ARAP3: variants seen among roughly 807,000 people sequenced by gnomAD.
ARAP3 encodes the protein ArfGAP with RhoGAP domain, ankyrin repeat and PH domain 3.
A neutral mutation model predicts 169.2 loss-of-function variants in ARAP3; 82 were observed. That is an observed-to-expected ratio of 0.48 (90% CI 0.41 to 0.58). The LOEUF is 0.58. Among genes scored for constraint, ARAP3 ranks in the 20% least tolerant of loss-of-function variants. The pLI, the probability that ARAP3 is intolerant of heterozygous loss-of-function variation, is 0.00. For synonymous variants in ARAP3, 791 were observed against 800.3 expected (o/e 0.99, Z 0.20); for missense variants, 1,764 against 2,018.0 (o/e 0.87, Z 2.41).
intron 23 of ARAP3, 132 bp from the exon 24 acceptor site, chr5:141,658,785 G>T: frequency 1.3e-6 from 1 of 775,280 alleles, no homozygotes; most frequent in Non-Finnish European, 2.0e-6. Context: ...ATGTCACTCA[G>T]GCTCTTAAAA....
rs143349540 is a variant in ARAP3, at chr5:141,658,636, G to A, written c.3354C>T (p.Asp1118=). The part of the protein sequence containing the change: ...WKDVQLSQAG[D]LIMEVYIEQQ... ...GCTCTATATAAACTTCCATGATGAG[G>A]TCTCCAGCCTGAGACAGCTGAGGGG... Residue 1118 remains aspartate, a synonymous_variant, in exon 24 of 33, where the codon GAC becomes GAT. Transcript: ENST00000239440. 7.5e-6 allele frequency: 12 copies of A among 1,598,546 alleles called. No homozygotes were observed. Among genetic ancestry groups the A allele is most frequent in the African/African-American group, 5.4e-5 (4 of 73,804 alleles).
chr5:141,670,378 C>G, intron 14 of ARAP3, 134 bp downstream of exon 14: 1 of 1,001,568 alleles, frequency 1.0e-6, no homozygotes, highest in East Asian at 2.4e-5. Context: ...CTCTCTCACC[C>G]CCAGGACCCC....
In ARAP3 at chr5:141,662,030, A is replaced by C; in HGVS notation, c.3013+13T>G. On this transcript the variant is annotated intron_variant, in intron 20 of 32. Coordinates refer to ENST00000239440, the MANE Select transcript of ARAP3 (RefSeq NM_022481.6). ...CCTGGTTGGGCCTTGGCTCTCAGGG[A>C]TCTTAGGAATACCAGCAGCCTCCCT... The C allele has an allele frequency of 6.2e-7, 1 of 1,613,948 alleles. No homozygotes were observed. The highest frequency in any genetic ancestry group is 1.1e-5 in the South Asian group (1 of 91,058).
Position 141,679,970 on chromosome 5 carries a change from G to A in ARAP3, c.517C>T (p.Gln173Ter), listed in dbSNP as rs1422187551. The A allele has an allele frequency of 1.2e-6, 2 of 1,614,012 alleles. No individual in the cohort carries two copies. The highest frequency in any genetic ancestry group is 8.5e-7 in the Non-Finnish European group (1 of 1,180,030). Residue 173 changes from glutamine to a stop codon, truncating the protein, a stop_gained, in exon 2 of 33, where the codon CAG becomes TAG. Transcript: ENST00000239440. LOFTEE classifies it high-confidence loss of function. ...LDSRGRAQAA[Q>*]DKAPDSSQIS... ...GGAGCCAACTCCACTCACTTGTCCT[G>A]AGCTGCCTGTGCCCTGCCTCTTGAG...
chr5:141,661,779 C>T lies in ARAP3; in HGVS notation c.3024G>A (p.Gln1008=), dbSNP rs761214047. ...TATATTTCTCCAGGCGCTGATTCTT[C>T]TGGGGCAGCTCTGGGGATGGAATGG... ...PRWREAAELP[Q]KNQRLEKYKD... The change falls in exon 21 of 33, where the codon CAG becomes CAA. Residue 1008 remains glutamine (Q), a synonymous_variant. Transcript: ENST00000239440. The T allele has an allele frequency of 1.9e-6, 3 of 1,614,190 alleles. No homozygotes were observed. The South Asian group carries it at 3.3e-5, about 18-fold the overall frequency.
intron 1 of ARAP3, among the ~76,000 whole-genome samples, chr5:141,681,503 GTC>G (rs2099912967): frequency 6.6e-6 from 1 of 151,686 alleles, no homozygotes; most frequent in Non-Finnish European, 1.5e-5. Context: ...TCATAGACCT[GTC>G]TCTAATTCTG....
chr5:141,654,254 G>A lies in ARAP3; in HGVS notation c.4331C>T (p.Ser1444Leu). The change falls in exon 33 of 33, where the codon TCA becomes TTA. Residue 1444 changes from serine (S) to leucine (L), a missense_variant. This residue lies in a region of ARAP3 where 1,112 missense variants were observed against 1,285.7 expected (regional missense o/e 0.86). Transcript: ENST00000239440. The stretch of plus-strand genomic sequence containing the variant: ...CTTGGAGAGAAAGGGTTGATCCAAT[G>A]ACTTCTGGCTGGTGAGGGGGTTCTC... ...KPENPLTSQK[S>L]LDQPFLSKSS... 3 of 1,614,196 alleles carry A rather than the reference G, an allele frequency of 1.9e-6. No individual in the cohort carries two copies. The highest frequency in any genetic ancestry group is 1.1e-5 in the South Asian group (1 of 91,086).
chr5:141,669,658 G>C, intron 16 of ARAP3, 51 bp downstream of exon 16: 1 of 1,549,042 alleles, frequency 6.5e-7, no homozygotes, highest in Non-Finnish European at 8.9e-7. Context: ...ATGGGAGCAC[G>C]TGGGGACAAG....
Position 141,670,632 on chromosome 5 carries a change from C to CAAGGGG in ARAP3, c.1991-10_1991-5dup. 1.9e-6 allele frequency: 3 copies of CAAGGGG among 1,612,950 alleles called. No homozygotes were observed. The highest frequency in any genetic ancestry group is 2.2e-5 in the South Asian group (2 of 91,062). On this transcript the variant is annotated splice_polypyrimidine_tract_variant and splice_region_variant and intron_variant, in intron 13 of 32. Coordinates refer to ENST00000239440, the MANE Select transcript of ARAP3 (RefSeq NM_022481.6). ...TTGTACACACCAGGGGAGGGGTCTG[C>CAAGGGG]AAGGGGAAGGGGAAGTAGTCAGGTC...
In ARAP3 at chr5:141,659,623, GAGA is replaced by G. The variant is rs529240486; in HGVS notation, c.3268-150_3268-148del. 1,093 of 1,332,146 alleles carry G rather than the reference GAGA, an allele frequency of 8.2e-4. 9 individuals carry two copies. The African/African-American group carries it at 0.015, about 18-fold the overall frequency. 82.5% of individuals were successfully genotyped at this position (1,332,146 alleles called of 1,614,324 possible). On this transcript the variant is annotated intron_variant, in intron 22 of 32. Transcript: ENST00000239440. Reference sequence around the variant, plus strand: ...GAGGATGTTGGAAGTGAAGTTGTGGGAGAAGAAGGGCCAGGGCTCTGGGAGGTA... The same window carrying G: ...GAGGATGTTGGAAGTGAAGTTGTGGGAGAAGGGCCAGGGCTCTGGGAGGTA...
rs1213882800 is a variant in ARAP3, at chr5:141,662,137, C to A, written c.2919G>T (p.Val973=). The A allele has an allele frequency of 6.2e-7, 1 of 1,614,166 alleles. No homozygotes were observed. Among genetic ancestry groups the A allele is most frequent in the Admixed American group, 1.7e-5 (1 of 60,036 alleles). The change falls in exon 20 of 33, where the codon GTG becomes GTT. Residue 973 remains valine (V), a synonymous_variant. Coordinates refer to ENST00000239440, the MANE Select transcript of ARAP3 (RefSeq NM_022481.6). ...GTTTGAGTGTGTCAGTGACATCCTC[C>A]ACAAAGTGCTCCCCTGGTCGGAGCT... ...SVKLRPGEHF[V]EDVTDTLKRF...
chr5:141,673,177 C>A (rs748788134), intron 6 of ARAP3, 44 bp from the exon 7 acceptor site: 49 of 1,612,148 alleles, frequency 3.0e-5, no homozygotes, highest in Non-Finnish European at 3.7e-5. Flanking sequence ...AGGAACTGAG[C>A]CATGTGTGCC....
intron 16 of ARAP3, among the ~76,000 whole-genome samples, chr5:141,667,851 G>A (rs1475800957): frequency 1.3e-5 from 2 of 151,066 alleles, no homozygotes; most frequent in African/African-American, 4.8e-5. Context: ...AGACCAGCCT[G>A]GCCAACATGG....
intron 30 of ARAP3, 49 bp from the exon 31 acceptor site, chr5:141,655,807 G>C: frequency 6.2e-7 from 1 of 1,614,068 alleles, no homozygotes; most frequent in South Asian, 1.1e-5. Context: ...AAGGCACTGA[G>C]GAGGACAGCT....
chr5:141,655,259 C>CACACACACACACACACA lies in ARAP3; in HGVS notation c.4149+102_4149+103insTGTGTGTGTGTGTGTGT, dbSNP rs376664795. 3.4e-6 allele frequency: 4 copies of CACACACACACACACACA among 1,191,158 alleles called. No individual in the cohort carries two copies. The African/African-American group carries it at 5.4e-5, about 16-fold the overall frequency. 73.8% of individuals were successfully genotyped at this position (1,191,158 alleles called of 1,614,324 possible). ...ACACACACACACACACACACACACA[C>CACACACACACACACACA]CCCCTGATGGCCTACATGAGGAAAA... On this transcript the variant is annotated intron_variant, in intron 32 of 32. Coordinates refer to ENST00000239440, the MANE Select transcript of ARAP3 (RefSeq NM_022481.6).
At chr5:141,659,525 C>T (rs370163641) in intron 22 of ARAP3, 49 bp from the exon 23 acceptor site, 255 of 1,595,116 alleles carry the variant, frequency 1.6e-4, no homozygotes, top group South Asian at 5.6e-4. Flanking sequence ...GAGGATCTGC[C>T]GGGAAGATCT....
At chr5:141,681,293 A>C (rs1368480570) in intron 1 of ARAP3, among the ~76,000 whole-genome samples, 2 of 152,174 alleles carry the variant, frequency 1.3e-5, no homozygotes, top group Non-Finnish European at 2.9e-5. Flanking sequence ...GCCCACCGGC[A>C]GCATGTTCAC....
intron 4 of ARAP3, among the ~76,000 whole-genome samples, chr5:141,674,616 G>C (rs1404059778): frequency 6.6e-6 from 1 of 152,126 alleles, no homozygotes; most frequent in Non-Finnish European, 1.5e-5. Flanking sequence ...ATTGGCATGG[G>C]GCTGCTTTCC....
rs1388782271 is a variant in ARAP3 at position 141,659,901 on chromosome 5, G to A, written c.3145C>T (p.Gln1049Ter). Residue 1049 changes from glutamine (Q) to a stop codon, truncating the protein, a stop_gained, in exon 22 of 33, where the codon CAG (glutamine) becomes TAG (stop). Transcript: ENST00000239440. LOFTEE classifies it high-confidence loss of function. ...YRVQKCAALN[Q>*]MCTRNLALLF... ...AGAGCCAAGTTCCGCGTGCACATCT[G>A]GTTTAGAGCCGCACATTTCTGCACC... The A allele has an allele frequency of 2.5e-6, 4 of 1,575,436 alleles. No individual in the cohort carries two copies. Among genetic ancestry groups the A allele is most frequent in the East Asian group, 2.3e-5 (1 of 43,772 alleles).
Sources: gnomAD v4.1 joint callset for allele counts (sites outside exome capture counted in the v4.1 genomes callset) on GRCh38, gnomAD v4.1.1 for gene constraint, gnomAD v4.1.1 regional missense constraint, MANE v1.5 for transcripts, NCBI Gene and HGNC (gene_info 2026-07-23, HGNC 2026-07-21) for gene names.